Variants in ALG6 observed in about 807,000 individuals in gnomAD.
ALG6 encodes the protein dolichyl pyrophosphate Man9GlcNAc2 alpha-1,3-glucosyltransferase.
In ALG6, 46 loss-of-function variants were observed where a neutral mutation model predicts 66.6. That is an observed-to-expected ratio of 0.69 (90% CI 0.55 to 0.88). ALG6 has a LOEUF of 0.88. ALG6 is among the 40% of genes least tolerant of loss of function. The pLI is 0.00. For synonymous variants in ALG6, 185 were observed against 203.7 expected (o/e 0.91, Z 0.78); for missense variants, 505 against 586.8 (o/e 0.86, Z 1.44).
At position 63,433,306 on chromosome 1, in the gene ALG6, C is replaced by T. The variant is rs894940691; in HGVS notation, c.1327-3517C>T. ...AGGATTGCCCAAAGTACCCAGATAACAAAGAGAAAAGAATGACTAACTCTA... is the reference window on the plus strand; with the variant it reads ...AGGATTGCCCAAAGTACCCAGATAATAAAGAGAAAAGAATGACTAACTCTA... On this transcript the variant is annotated intron_variant, in intron 14 of 14. Transcript: ENST00000263440. This position sits in a 1 kb window ranked among gnomAD's most constrained non-coding sequence, Gnocchi z 4.2. Among the ~76,000 whole-genome samples, 3 of 152,084 alleles carry T rather than the reference C, an allele frequency of 2.0e-5. No homozygotes were observed. The highest frequency in any genetic ancestry group is 4.8e-5 in the African/African-American group (2 of 41,400).
intron 7 of ALG6, among the ~76,000 whole-genome samples, chr1:63,408,493 A>G (rs1208897478): frequency 6.6e-6 from 1 of 152,214 alleles, no homozygotes; most frequent in Non-Finnish European, 1.5e-5. Flanking sequence ...TGAACATCTT[A>G]TAAATATCTC....
In ALG6 at chr1:63,369,639, GAAAA is replaced by G. The variant is rs71045898; in HGVS notation, c.-207-1126_-207-1123del. Reference sequence around the variant, plus strand: ...AGCAAAGCTCCATCTCAAAAAAAAAGAAAAAAAAACAAATAAAATAAAATAATTT... The same window carrying G: ...AGCAAAGCTCCATCTCAAAAAAAAAGAAAAACAAATAAAATAAAATAATTT... On this transcript the variant is annotated intron_variant, in intron 1 of 14. Transcript: ENST00000263440. Among the ~76,000 whole-genome samples the G allele has an allele frequency of 3.7e-3, 542 of 147,406 alleles. 2 individuals are homozygous for G. Among genetic ancestry groups the G allele is most frequent in the African/African-American group, 0.012 (489 of 40,124 alleles).
intron 4 of ALG6, among the ~76,000 whole-genome samples, chr1:63,403,592 G>A (rs1196919178): frequency 1.3e-5 from 2 of 152,106 alleles, no homozygotes; most frequent in Non-Finnish European, 2.9e-5. Flanking sequence ...ACTTCACGAT[G>A]GGGATACATT....
At chr1:63,400,599 C>G (rs369355459) in intron 3 of ALG6, among the ~76,000 whole-genome samples, 46 of 151,836 alleles carry the variant, frequency 3.0e-4, no homozygotes, top group African/African-American at 1.0e-3. Context: ...ATGCTTGCAG[C>G]TTACTGTCAA....
Position 63,411,909 on chromosome 1 carries a change from C to G in ALG6, c.681-17C>G, listed in dbSNP as rs185148397. 1.3e-5 allele frequency: 21 copies of G among 1,613,914 alleles called. No homozygotes were observed. In the East Asian group the frequency reaches 4.2e-4, roughly 33 times the overall value. On this transcript the variant is annotated splice_polypyrimidine_tract_variant and intron_variant, in intron 8 of 14. Coordinates refer to ENST00000263440, the MANE Select transcript of ALG6 (RefSeq NM_013339.4). ...GACCTTTCCCTATCTTACTGCCTAC[C>G]TTTGTTTTTGTTTTAGGTTTGTGTT...
At chr1:63,383,132 T>C (rs1648383780) in intron 2 of ALG6, among the ~76,000 whole-genome samples, 3 of 151,022 alleles carry the variant, frequency 2.0e-5, no homozygotes, top group Admixed American at 2.0e-4. Flanking sequence ...TTTTTTGAGA[T>C]AGAGTCTCGC....
At position 63,397,001 on chromosome 1, in the gene ALG6, G is replaced by C. The variant is rs141871912; in HGVS notation, c.167+404G>C. Among the ~76,000 whole-genome samples the C allele has an allele frequency of 5.3e-4, 81 of 152,218 alleles. 1 individual carries two copies. Among genetic ancestry groups the C allele is most frequent in the African/African-American group, 1.9e-3 (77 of 41,526 alleles). ...AGAGCTTTGGCAGTAGCTGATGGCT[G>C]AATTTGCAGATCTGAAAAGGGGACC... On this transcript the variant is annotated intron_variant, in intron 3 of 14. Transcript: ENST00000263440.
intron 4 of ALG6, among the ~76,000 whole-genome samples, chr1:63,402,550 T>C (rs1207805276): frequency 7.5e-6 from 1 of 132,924 alleles, no homozygotes; most frequent in Admixed American, 8.6e-5. Context: ...TACTGCAACC[T>C]CCACCTTCCA....
intron 2 of ALG6, among the ~76,000 whole-genome samples, chr1:63,388,106 A>G (rs980635446): frequency 6.6e-6 from 1 of 150,692 alleles, no homozygotes; most frequent in Non-Finnish European, 1.5e-5. Flanking sequence ...TTTAGTAGAG[A>G]CGAGTTTTCA....
intron 2 of ALG6, among the ~76,000 whole-genome samples, chr1:63,381,271 G>A (rs1002354567): frequency 6.6e-6 from 1 of 152,162 alleles, no homozygotes; most frequent in East Asian, 1.9e-4. Context: ...TGGCTAACAC[G>A]GTGAAACCCC....
chr1:63,402,020 G>C (rs1644467433), intron 3 of ALG6, among the ~76,000 whole-genome samples: 1 of 152,068 alleles, frequency 6.6e-6, no homozygotes, highest in Non-Finnish European at 1.5e-5. Context: ...CATATTTTTT[G>C]TTGTATGAGT....
Position 63,402,401 on chromosome 1 carries a change from A to G in ALG6, c.257+58A>G, listed in dbSNP as rs1409720243. 4.4e-6 allele frequency: 5 copies of G among 1,129,050 alleles called. No individual in the cohort carries two copies. In the African/African-American group the frequency reaches 7.7e-5, roughly 17 times the overall value. 69.9% of individuals were successfully genotyped at this position (1,129,050 alleles called of 1,614,324 possible). On this transcript the variant is annotated intron_variant, in intron 4 of 14. Coordinates refer to ENST00000263440, the MANE Select transcript of ALG6 (RefSeq NM_013339.4). ...TTTTATGCCCTTGGCAGATTTAGTAAGAAGCAGTGTGATGGGGCTTTCTTG... is the reference window on the plus strand; with the variant it reads ...TTTTATGCCCTTGGCAGATTTAGTAGGAAGCAGTGTGATGGGGCTTTCTTG...
chr1:63,390,139 C>G lies in ALG6; in HGVS notation c.83-6374C>G, dbSNP rs2100398666. On this transcript the variant is annotated intron_variant, in intron 2 of 14. Coordinates refer to ENST00000263440, the MANE Select transcript of ALG6 (RefSeq NM_013339.4). Reference sequence around the variant, plus strand: ...GTTCTTCATCAGCAGGTATTGAATCCAGCCAGGCTTATGCCCTTTCCTTAG... The same window carrying G: ...GTTCTTCATCAGCAGGTATTGAATCGAGCCAGGCTTATGCCCTTTCCTTAG... Among the ~76,000 whole-genome samples, 2 of 152,336 alleles carry G rather than the reference C, an allele frequency of 1.3e-5. 1 individual carries two copies. Among genetic ancestry groups the G allele is most frequent in the South Asian group, 4.1e-4 (2 of 4,830 alleles).
chr1:63,374,060 T>C (rs965798323), intron 2 of ALG6, among the ~76,000 whole-genome samples: 1 of 152,192 alleles, frequency 6.6e-6, no homozygotes, highest in Non-Finnish European at 1.5e-5. Flanking sequence ...TGAAGACAGG[T>C]AATATCTTCG....
At chr1:63,407,186 T>A in intron 7 of ALG6, 60 bp downstream of exon 7, 1 of 1,197,122 alleles carries the variant, frequency 8.4e-7, no homozygotes, top group Non-Finnish European at 1.2e-6. Context: ...AGACTCAATG[T>A]GTACATTGCT....
intron 11 of ALG6, 152 bp from the exon 12 acceptor site, chr1:63,419,218 G>T: frequency 1.6e-6 from 1 of 625,004 alleles, no homozygotes; most frequent in Admixed American, 2.9e-5. Context: ...ATTAAAATAT[G>T]CATACTAGTG....
At chr1:63,409,689 G>T (rs1644506873) in intron 7 of ALG6, among the ~76,000 whole-genome samples, 1 of 151,692 alleles carries the variant, frequency 6.6e-6, no homozygotes, top group Admixed American at 6.6e-5. Flanking sequence ...TCTGTCATAG[G>T]TTTTCTATAA....
chr1:63,406,389 C>A lies in ALG6; in HGVS notation c.419C>A (p.Thr140Asn). The stretch of plus-strand genomic sequence containing the variant: ...TGTTGTTGCTTAAAAGAAATCTCAA[C>A]TAAGAAAAAGGTAGGTTTTCAAGCA... ...LYCCCLKEIS[T>N]KKKIANALCI... Residue 140 changes from threonine (T) to asparagine (N), a missense_variant, in exon 6 of 15, where the codon ACT becomes AAT. Thr to Asn is a moderately conservative substitution (Grantham distance 65). Coordinates refer to ENST00000263440, the MANE Select transcript of ALG6 (RefSeq NM_013339.4). 1 of 1,612,936 alleles carries A rather than the reference C, an allele frequency of 6.2e-7. No homozygotes were observed. The highest frequency in any genetic ancestry group is 8.5e-7 in the Non-Finnish European group (1 of 1,179,276).
At chr1:63,415,490 A>G (rs1644541377) in intron 10 of ALG6, among the ~76,000 whole-genome samples, 1 of 152,118 alleles carries the variant, frequency 6.6e-6, no homozygotes, top group Non-Finnish European at 1.5e-5. Flanking sequence ...AAAGTTTATG[A>G]ATGTTTGTGT....
Sources: gnomAD v4.1 joint callset for allele counts (sites outside exome capture counted in the v4.1 genomes callset) on GRCh38, gnomAD v4.1.1 for gene constraint, Gnocchi (gnomAD v3.1) non-coding constraint, MANE v1.5 for transcripts, NCBI Gene and HGNC (gene_info 2026-07-23, HGNC 2026-07-21) for gene names.